Variants in PIK3AP1 observed in about 807,000 individuals in gnomAD.
PIK3AP1 encodes the protein phosphoinositide 3-kinase adapter protein 1.
Under a neutral mutation model 88.1 loss-of-function variants are expected in PIK3AP1, and 21 were observed. The observed-to-expected ratio is 0.24, with a 90% CI of 0.17 to 0.34. The LOEUF is 0.34. PIK3AP1 is among the 10% of genes least tolerant of loss of function. The pLI, the probability that PIK3AP1 is intolerant of heterozygous loss-of-function variation, is 1.00. For synonymous variants in PIK3AP1, 398 were observed against 400.0 expected, an observed-to-expected ratio of 1.00 and a Z score of 0.06; for missense variants, 828 against 1,035.7, an observed-to-expected ratio of 0.80 and a Z score of 2.75.
intron 9 of PIK3AP1, 138 bp from the exon 10 acceptor site, chr10:96,627,043 C>G (rs568679384): frequency 1.3e-6 from 1 of 755,270 alleles, no homozygotes; most frequent in African/African-American, 1.7e-5. Flanking sequence ...ATATCACTTC[C>G]TGTATCGTCT....
intron 15 of PIK3AP1, among the ~76,000 whole-genome samples, chr10:96,603,097 G>T (rs1288981029): frequency 6.6e-6 from 1 of 152,076 alleles, no homozygotes; most frequent in African/African-American, 2.4e-5. Flanking sequence ...TGCCCCTTAA[G>T]GTTTCACTAG....
At chr10:96,664,846 C>T (rs1319675447) in intron 2 of PIK3AP1, among the ~76,000 whole-genome samples, 3 of 149,534 alleles carry the variant, frequency 2.0e-5, no homozygotes, top group African/African-American at 5.1e-5. Context: ...CAATGCACTA[C>T]GGAGAAGGCA....
chr10:96,650,448 A>ACTTT (rs776677297), intron 6 of PIK3AP1, among the ~76,000 whole-genome samples: 5 of 152,194 alleles, frequency 3.3e-5, no homozygotes, highest in Non-Finnish European at 5.9e-5. Flanking sequence ...AGCATGTCAC[A>ACTTT]TGTGCACAAG....
rs372013145 is a variant in PIK3AP1 at position 96,652,777 on chromosome 10, C to T, written c.633G>A (p.Glu211=). 72 of 1,614,018 alleles carry T rather than the reference C, an allele frequency of 4.5e-5. No homozygotes were observed. The highest frequency in any genetic ancestry group is 5.6e-5 in the Non-Finnish European group (66 of 1,180,016). The change falls in exon 4 of 17, where the codon GAG becomes GAA. Residue 211 remains glutamate (E), a synonymous_variant. Transcript: ENST00000339364. Reference sequence around the variant, plus strand: ...CAGAGGGAGAATCCTCAGGAGAAAACTCTGCTTCTGTCGCCACCCTGTCAT... The same window carrying T: ...CAGAGGGAGAATCCTCAGGAGAAAATTCTGCTTCTGTCGCCACCCTGTCAT... ...KLDDRVATEA[E]FSPEDSPSVR... is the part of the protein sequence containing the mutation.
chr10:96,601,844 C>T (rs117973759), intron 16 of PIK3AP1, among the ~76,000 whole-genome samples: 319 of 152,322 alleles, frequency 2.1e-3, no homozygotes, highest in Admixed American at 3.3e-3. Context: ...GAAGGGTCCA[C>T]ATTGAAATGT....
At chr10:96,622,975 A>G (rs1041010747) in intron 11 of PIK3AP1, among the ~76,000 whole-genome samples, 5 of 152,222 alleles carry the variant, frequency 3.3e-5, no homozygotes, top group Admixed American at 2.6e-4. Flanking sequence ...TTAGGTAAAG[A>G]CTGAGTGCTG....
chr10:96,628,473 T>A lies in PIK3AP1; in HGVS notation c.1396A>T (p.Ser466Cys). ...TCTCCAGGGATTGGGTTAGATGTAC[T>A]GGCCTGAAGCATTTCAACATCTAGA... is the stretch of plus-strand genomic sequence containing the variant. The part of the protein sequence containing the change: ...EDLYVEMLQA[S>C]TSNPIPGDGF... Residue 466 changes from serine (S) to cysteine (C), a missense_variant, in exon 9 of 17, where the codon AGT becomes TGT. Physicochemically the swap from Ser to Cys is moderately radical, Grantham distance 112. Coordinates refer to ENST00000339364, the MANE Select transcript of PIK3AP1 (RefSeq NM_152309.3). 1 of 1,613,056 alleles carries A rather than the reference T, an allele frequency of 6.2e-7. No individual in the cohort carries two copies.
At chr10:96,636,386 C>G (rs1329870088) in intron 8 of PIK3AP1, among the ~76,000 whole-genome samples, 2 of 152,122 alleles carry the variant, frequency 1.3e-5, no homozygotes, top group Admixed American at 6.6e-5. Context: ...TGTAATAACA[C>G]TTTTTTAAAA....
chr10:96,662,631 A>G (rs1843704339), intron 2 of PIK3AP1, among the ~76,000 whole-genome samples: 1 of 151,062 alleles, frequency 6.6e-6, no homozygotes, highest in Non-Finnish European at 1.5e-5. Context: ...CTGTAATCCC[A>G]GCACTTTGGG....
chr10:96,623,190 T>C (rs942355266), intron 11 of PIK3AP1, among the ~76,000 whole-genome samples: 2 of 152,134 alleles, frequency 1.3e-5, no homozygotes, highest in Non-Finnish European at 2.9e-5. Flanking sequence ...TGGATCTCTC[T>C]AATTAATTAA....
Position 96,626,887 on chromosome 10 carries a change from G to T in PIK3AP1, c.1490C>A (p.Thr497Asn), listed in dbSNP as rs1245379804. 2.5e-6 allele frequency: 4 copies of T among 1,614,048 alleles called. No homozygotes were observed. Among genetic ancestry groups the T allele is most frequent in the East Asian group, 2.2e-5 (1 of 44,890 alleles). ...ATGGCACTGATCTCTCTCCAGATTG[G>T]TCATTCCCATGCTGTTGCCTAGAAA... ...KFLEGNSMGM[T>N]NLERDQCHLG... The change falls in exon 10 of 17, where the codon ACC (threonine) becomes AAC (asparagine). Residue 497 changes from threonine to asparagine, a missense_variant. Around this residue, in one of 3 missense-constraint regions of PIK3AP1, gnomAD observed 610 missense variants for 760.1 expected, o/e 0.80. Coordinates refer to ENST00000339364, the MANE Select transcript of PIK3AP1 (RefSeq NM_152309.3).
intron 1 of PIK3AP1, among the ~76,000 whole-genome samples, chr10:96,713,361 G>A (rs1021091486): frequency 4.6e-5 from 7 of 151,676 alleles, no homozygotes; most frequent in Admixed American, 1.3e-4. Context: ...AAAATTAGCC[G>A]GGTGTTGTGG....
At chr10:96,599,362 G>A (rs1446738580) in intron 16 of PIK3AP1, among the ~76,000 whole-genome samples, 1 of 152,170 alleles carries the variant, frequency 6.6e-6, no homozygotes, top group East Asian at 1.9e-4. Context: ...TGGGGTCCCT[G>A]AATGAAGATC....
At chr10:96,659,352 A>G (rs1318933962) in intron 2 of PIK3AP1, among the ~76,000 whole-genome samples, 1 of 152,156 alleles carries the variant, frequency 6.6e-6, no homozygotes, top group Admixed American at 6.5e-5. Context: ...GGAGTGGCTC[A>G]AACTCTTACC....
At chr10:96,610,109 G>A (rs1849082409) in intron 13 of PIK3AP1, among the ~76,000 whole-genome samples, 1 of 152,168 alleles carries the variant, frequency 6.6e-6, no homozygotes, top group African/African-American at 2.4e-5. Flanking sequence ...AGAATAATGT[G>A]AGAAAGGGAC....
intron 8 of PIK3AP1, among the ~76,000 whole-genome samples, chr10:96,645,155 G>GT (rs1247348759): frequency 2.0e-5 from 3 of 152,170 alleles, no homozygotes; most frequent in Non-Finnish European, 2.9e-5. Context: ...GAAAATGTTT[G>GT]TTATAAAAAG....
At chr10:96,660,487 C>A (rs6584095) in intron 2 of PIK3AP1, among the ~76,000 whole-genome samples, 78,973 of 151,926 alleles carry the variant, frequency 0.52, 21,210 homozygotes, top group African/African-American at 0.66. Flanking sequence ...AAATGCTGGT[C>A]AGGAAGTGGA....
chr10:96,629,689 G>A (rs531236944), intron 8 of PIK3AP1, among the ~76,000 whole-genome samples: 1 of 105,766 alleles, frequency 9.5e-6, no homozygotes, highest in Admixed American at 1.6e-4. Context: ...TCCAGCCTAC[G>A]CAACACAGTG....
At chr10:96,607,225 T>C (rs1243758283) in intron 14 of PIK3AP1, among the ~76,000 whole-genome samples, 1 of 152,132 alleles carries the variant, frequency 6.6e-6, no homozygotes, top group Non-Finnish European at 1.5e-5. Flanking sequence ...TTATTTCTAT[T>C]TGGAAGGCAG....
Sources: allele counts gnomAD v4.1 joint callset (sites outside exome capture counted in the v4.1 genomes callset), GRCh38; gene constraint gnomAD v4.1.1; regional missense constraint gnomAD v4.1.1; transcripts MANE v1.5; gene names NCBI Gene and HGNC (gene_info 2026-07-23, HGNC 2026-07-21).